ALPL: variants seen among roughly 807,000 people sequenced by gnomAD.
ALPL encodes alkaline phosphatase, tissue-nonspecific isozyme.
In ALPL, 42 loss-of-function variants were observed where a neutral mutation model predicts 51.3. The observed-to-expected ratio is 0.82, with a 90% CI of 0.64 to 1.06. The LOEUF (loss-of-function observed/expected upper bound fraction) is 1.06, where lower values mean the gene tolerates loss of function less well. Among genes scored for constraint, ALPL ranks in the 50% least tolerant of loss-of-function variants. The pLI is 0.00. For missense variants in ALPL, 589 were observed against 709.4 expected, an observed-to-expected ratio of 0.83 and a Z score of 1.93; for synonymous variants, 279 against 296.4, an observed-to-expected ratio of 0.94 and a Z score of 0.60.
chr1:21,560,735 C>T lies in ALPL; in HGVS notation c.171C>T (p.Phe57=), dbSNP rs753763521. The T allele has an allele frequency of 1.2e-6, 2 of 1,614,094 alleles. No individual in the cohort carries two copies. Among genetic ancestry groups the T allele is most frequent in the Non-Finnish European group, 1.7e-6 (2 of 1,180,024 alleles). Residue 57 remains phenylalanine, a synonymous_variant, in exon 3 of 12, where the codon TTC becomes TTT. Transcript: ENST00000374840. ...NTNVAKNVIM[F]LGDGMGVSTV... Reference sequence around the variant, plus strand: ...ACGTGGCTAAGAATGTCATCATGTTCCTGGGAGATGGTGAGGCCCAGGGGC... The same window carrying T: ...ACGTGGCTAAGAATGTCATCATGTTTCTGGGAGATGGTGAGGCCCAGGGGC...
chr1:21,562,981 G>A, intron 4 of ALPL, 129 bp from the exon 5 acceptor site: 1 of 1,264,904 alleles, frequency 7.9e-7, no homozygotes, highest in Non-Finnish European at 1.1e-6. Context: ...GTGGGCAGTG[G>A]GCCTGGTCAA....
At chr1:21,514,909 C>T in intron 1 of ALPL, among the ~76,000 whole-genome samples, 1 of 152,120 alleles carries the variant, frequency 6.6e-6, no homozygotes, top group East Asian at 1.9e-4. Context: ...CTTAGGATTA[C>T]TCCTCCCCTA....
At chr1:21,555,745 A>G (rs973913951) in intron 2 of ALPL, among the ~76,000 whole-genome samples, 1 of 150,734 alleles carries the variant, frequency 6.6e-6, no homozygotes, top group African/African-American at 2.4e-5. Context: ...AGTTCTCACT[A>G]GTGAACTCAT....
At chr1:21,553,910 AAGTG>A (rs1209772535) in intron 1 of ALPL, 64 bp from the exon 2 acceptor site, 1 of 670,462 alleles carries the variant, frequency 1.5e-6, no homozygotes, top group Non-Finnish European at 2.8e-6. Context: ...AGGAATGAAT[AAGTG>A]AGTGAAAAAG....
intron 9 of ALPL, 43 bp downstream of exon 9, chr1:21,573,842 G>C: frequency 6.2e-7 from 1 of 1,613,520 alleles, no homozygotes; most frequent in East Asian, 2.2e-5. Context: ...CTGGAAACAC[G>C]GCCCTGGTGT....
chr1:21,519,814 A>T (rs895366250), intron 1 of ALPL, among the ~76,000 whole-genome samples: 2 of 152,124 alleles, frequency 1.3e-5, no homozygotes, highest in Non-Finnish European at 2.9e-5. Flanking sequence ...CAAAAAGAAG[A>T]TTGAGGCTCA....
At chr1:21,546,904 T>G (rs1558539528) in intron 1 of ALPL, among the ~76,000 whole-genome samples, 1 of 152,234 alleles carries the variant, frequency 6.6e-6, no homozygotes. Context: ...AACTCAGATT[T>G]CTAGGCCCAT....
chr1:21,513,918 T>G (rs1643741680), intron 1 of ALPL, among the ~76,000 whole-genome samples: 1 of 152,166 alleles, frequency 6.6e-6, no homozygotes, highest in African/African-American at 2.4e-5. Context: ...GCCTCACACT[T>G]GCCCACCTGC....
intron 1 of ALPL, among the ~76,000 whole-genome samples, chr1:21,530,711 C>T (rs1416308211): frequency 4.0e-5 from 6 of 151,898 alleles, no homozygotes; most frequent in Admixed American, 3.9e-4. Flanking sequence ...TGTAGAGGCC[C>T]CCTGTAGTGA....
rs1192379800 is a variant in ALPL, at chr1:21,577,954, G to A, written c.*306G>A. 3.9e-6 allele frequency: 2 copies of A among 519,286 alleles called. No individual in the cohort carries two copies. Among genetic ancestry groups the A allele is most frequent in the Non-Finnish European group, 3.4e-6 (1 of 290,634 alleles). The allele number at this position is 519,286 out of a possible 1,614,324, so 32.2% of individuals were successfully genotyped here. On this transcript the variant is annotated 3_prime_UTR_variant, in exon 12 of 12. Coordinates refer to ENST00000374840, the MANE Select transcript of ALPL (RefSeq NM_000478.6). ...TCTCAAAGCCTCTTATTTTTCTAGCGAACGTATTTCTCCAGACCCAGAGGC... is the reference window on the plus strand; with the variant it reads ...TCTCAAAGCCTCTTATTTTTCTAGCAAACGTATTTCTCCAGACCCAGAGGC...
intron 1 of ALPL, among the ~76,000 whole-genome samples, chr1:21,513,836 C>A (rs1025777337): frequency 6.6e-6 from 1 of 152,234 alleles, no homozygotes; most frequent in East Asian, 1.9e-4. Context: ...TATGTCCCTG[C>A]CTGGCCACAG....
intron 1 of ALPL, among the ~76,000 whole-genome samples, chr1:21,514,597 A>G (rs1643757464): frequency 6.6e-6 from 1 of 152,186 alleles, no homozygotes. Flanking sequence ...CCTGATGGTT[A>G]CATGCGGGGG....
At chr1:21,568,493 G>T (rs1015637340) in intron 7 of ALPL, among the ~76,000 whole-genome samples, 5 of 152,112 alleles carry the variant, frequency 3.3e-5, no homozygotes, top group African/African-American at 1.2e-4. Flanking sequence ...AATAACCTGC[G>T]TGGACATTGA....
Position 21,573,792 on chromosome 1 carries a change from G to C in ALPL, c.990G>C (p.Leu330=), listed in dbSNP as rs747146797. ...AGAACCCCAAAGGCTTCTTCTTGCT[G>C]GTGGAAGGTAGGGACCCCGGGTCTG... is the stretch of plus-strand genomic sequence containing the variant. The part of the protein sequence containing the change: ...LRKNPKGFFL[L]VEGGRIDHGH... The change falls in exon 9 of 12, where the codon CTG becomes CTC. Residue 330 remains leucine (L), a synonymous_variant. Coordinates refer to ENST00000374840, the MANE Select transcript of ALPL (RefSeq NM_000478.6). The C allele has an allele frequency of 6.2e-7, 1 of 1,614,056 alleles. No individual in the cohort carries two copies. Among genetic ancestry groups the C allele is most frequent in the Non-Finnish European group, 8.5e-7 (1 of 1,180,044 alleles).
chr1:21,562,183 G>T (rs1417063419), intron 4 of ALPL, among the ~76,000 whole-genome samples: 1 of 152,180 alleles, frequency 6.6e-6, no homozygotes, highest in African/African-American at 2.4e-5. Flanking sequence ...TTAAGTGTGG[G>T]ATAGCATTAT....
intron 1 of ALPL, among the ~76,000 whole-genome samples, chr1:21,545,217 A>T (rs1280845509): frequency 6.6e-6 from 1 of 152,138 alleles, no homozygotes; most frequent in Non-Finnish European, 1.5e-5. Flanking sequence ...AACTATAAGA[A>T]ATAGAGGTGT....
chr1:21,530,777 ATTTTTTTTTTTT>A (rs71016918), intron 1 of ALPL, among the ~76,000 whole-genome samples: 2 of 111,870 alleles, frequency 1.8e-5, no homozygotes, highest in Non-Finnish European at 3.6e-5. Context: ...CAAGCTTTGA[ATTTTTTTTTTTT>A]TTTTTTTTTG....
rs539824187 is a variant in ALPL at position 21,520,441 on chromosome 1, G to T, written c.-105+10924G>T. ...GCCACCAGGCCTGGCATATTTTTCA[G>T]TTTTTAAAGCCATTTCTTTTTTCTC... On this transcript the variant is annotated intron_variant, in intron 1 of 11. Coordinates refer to ENST00000374840, the MANE Select transcript of ALPL (RefSeq NM_000478.6). Among the ~76,000 whole-genome samples, 30 of 144,138 alleles carry T rather than the reference G, an allele frequency of 2.1e-4. No homozygotes were observed. The East Asian group carries it at 5.8e-3, about 28-fold the overall frequency. The allele number at this position is 144,138 out of a possible 152,430, so 94.6% of individuals were successfully genotyped here.
At chr1:21,515,467 C>T (rs1643777490) in intron 1 of ALPL, among the ~76,000 whole-genome samples, 3 of 152,164 alleles carry the variant, frequency 2.0e-5, no homozygotes, top group South Asian at 4.1e-4. Flanking sequence ...CGGCTCACTA[C>T]AACCTCCGCC....
Sources: allele counts gnomAD v4.1 joint callset (sites outside exome capture counted in the v4.1 genomes callset), GRCh38; gene constraint gnomAD v4.1.1; transcripts MANE v1.5; gene names NCBI Gene and HGNC (gene_info 2026-07-23, HGNC 2026-07-21).